The following SHPRH variants were observed in gnomAD, a reference collection of about 807,000 sequenced individuals.
The protein encoded by SHPRH is SNF2 histone linker PHD RING helicase, also known as E3 ubiquitin-protein ligase SHPRH.
Under a neutral mutation model 202.5 loss-of-function variants are expected in SHPRH, and 106 were observed. That is an observed-to-expected ratio of 0.52 (90% confidence interval 0.45 to 0.62). SHPRH has a LOEUF of 0.62. Ranked by LOEUF, SHPRH falls within the 20% of genes least tolerant of loss-of-function variation. SHPRH has a pLI of 0.00. For missense variants in SHPRH, 1,710 were observed against 2,020.0 expected (o/e 0.85, Z 2.94); for synonymous variants, 729 against 686.0 (o/e 1.06, Z -0.98).
Position 145,955,017 on chromosome 6 carries a change from C to T in SHPRH, c.306G>A (p.Val102=). ...FSPLSVKLNI[V]ISPYHFDNSW... is the part of the protein sequence containing the mutation. ...AATTATCAAAATGATAGGGAGAAAT[C>T]ACAATATTTAACTTTACAGACAAAG... The change falls in exon 2 of 30, where the codon GTG becomes GTA. Residue 102 remains valine, a synonymous_variant. Coordinates refer to ENST00000275233, the MANE Select transcript of SHPRH (RefSeq NM_001042683.3). 5.6e-6 allele frequency: 9 copies of T among 1,613,444 alleles called. No individual in the cohort carries two copies. The highest frequency in any genetic ancestry group is 7.6e-6 in the Non-Finnish European group (9 of 1,179,878).
chr6:145,859,237 A>G, the SHPRH span, among the ~76,000 whole-genome samples: 1 of 152,008 alleles, frequency 6.6e-6, no homozygotes, highest in Non-Finnish European at 1.5e-5. Context: ...ATGCAATCTC[A>G]CCCAATTAAC....
chr6:145,895,509 A>G (rs1393942498), intron 25 of SHPRH, among the ~76,000 whole-genome samples: 12 of 151,696 alleles, frequency 7.9e-5, no homozygotes. Flanking sequence ...AGGCAGATTC[A>G]TACAAAGCTA....
chr6:145,919,446 C>T lies in SHPRH; in HGVS notation c.4054G>A (p.Val1352Ile), dbSNP rs760092163. 3 of 1,613,126 alleles carry T rather than the reference C, an allele frequency of 1.9e-6. No homozygotes were observed. Among genetic ancestry groups the T allele is most frequent in the Admixed American group, 1.7e-5 (1 of 59,924 alleles). Reference sequence around the variant, plus strand: ...TCTGTAGCCATTGCAAGTTCATCAACAGCAGACACACGATTCCTCAGAGCC... The same window carrying T: ...TCTGTAGCCATTGCAAGTTCATCAATAGCAGACACACGATTCCTCAGAGCC... Reference protein sequence around the residue: ...WMALRNRVSAVDELAMATERL... With the variant: ...WMALRNRVSAIDELAMATERL... Residue 1352 changes from valine to isoleucine, a missense_variant, in exon 22 of 30, where the codon GTT (valine) becomes ATT (isoleucine). Coordinates refer to ENST00000275233, the MANE Select transcript of SHPRH (RefSeq NM_001042683.3).
rs372687467 is a variant in SHPRH at position 145,940,701 on chromosome 6, A to G, written c.2569+22T>C. 2.2e-5 allele frequency: 35 copies of G among 1,610,112 alleles called. No homozygotes were observed. The African/African-American group carries it at 3.5e-4, about 16-fold the overall frequency. On this transcript the variant is annotated intron_variant, in intron 11 of 29. Coordinates refer to ENST00000275233, the MANE Select transcript of SHPRH (RefSeq NM_001042683.3). ...ATGAAGCTTTTCAAATGCATGCAATATGTGAGGAAACCATACATTACCCTC... is the reference window on the plus strand; with the variant it reads ...ATGAAGCTTTTCAAATGCATGCAATGTGTGAGGAAACCATACATTACCCTC...
Position 145,946,358 on chromosome 6 carries a change from T to G in SHPRH, c.1213-17A>C. 6.3e-7 allele frequency: 1 copy of G among 1,578,232 alleles called. No individual in the cohort carries two copies. The highest frequency in any genetic ancestry group is 8.7e-7 in the Non-Finnish European group (1 of 1,154,320). On this transcript the variant is annotated splice_polypyrimidine_tract_variant and intron_variant, in intron 6 of 29. Transcript: ENST00000275233. ...CACTTTTCCCTGATACAAACAACAG[T>G]CAGTAGTTACACAGTGTTTTGCTTT... is the stretch of plus-strand genomic sequence containing the variant.
At position 145,918,231 on chromosome 6, in the gene SHPRH, A is replaced by G; in HGVS notation, c.4154T>C (p.Val1385Ala). ...PVLHIIEPHE[V>A]EQNRIKLLND... ...TAGTAGTTTTATTCGGTTTTGTTCT[A>G]CCTAAAGAAAATAAAAATAAAAACT... Residue 1385 changes from valine to alanine, a missense_variant and splice_region_variant, in exon 23 of 30, where the codon GTA becomes GCA. Physicochemically the swap from Val to Ala is moderately conservative, Grantham distance 64 (BLOSUM62 0). Coordinates refer to ENST00000275233, the MANE Select transcript of SHPRH (RefSeq NM_001042683.3). 2 of 1,527,762 alleles carry G rather than the reference A, an allele frequency of 1.3e-6. No homozygotes were observed. Among genetic ancestry groups the G allele is most frequent in the Non-Finnish European group, 1.8e-6 (2 of 1,142,572 alleles). The allele number at this position is 1,527,762 out of a possible 1,614,324, so 94.6% of individuals were successfully genotyped here.
In SHPRH at chr6:145,885,222, G is replaced by A. The variant is rs888736123; in HGVS notation, c.*1469C>T. 2.6e-5 allele frequency: 4 copies of A among 152,108 alleles called. No individual in the cohort carries two copies. Among genetic ancestry groups the A allele is most frequent in the African/African-American group, 4.8e-5 (2 of 41,430 alleles). The allele number at this position is 152,108 out of a possible 1,614,324, so 9.4% of individuals were successfully genotyped here. On this transcript the variant is annotated 3_prime_UTR_variant, in exon 30 of 30. Transcript: ENST00000275233. The stretch of plus-strand genomic sequence containing the variant: ...CAAGATTGTTGGGTAAATTAAACAC[G>A]TAAATGTACATGAAAGCTCTTTTTA...
intron 1 of SHPRH, among the ~76,000 whole-genome samples, chr6:145,958,828 C>CATTT (rs575813834): frequency 0.013 from 1,902 of 151,904 alleles, 37 homozygotes; most frequent in African/African-American, 0.043. Context: ...CATCATAATG[C>CATTT]ATTTATTTAT....
chr6:145,896,604 A>T (rs1327403198), intron 25 of SHPRH, among the ~76,000 whole-genome samples: 1 of 152,010 alleles, frequency 6.6e-6, no homozygotes, highest in African/African-American at 2.4e-5. Flanking sequence ...TACAGTTCTG[A>T]ACCATTTTGT....
intron 13 of SHPRH, 133 bp from the exon 14 acceptor site, chr6:145,933,311 G>A (rs371056609): frequency 5.2e-5 from 69 of 1,315,912 alleles, no homozygotes; most frequent in South Asian, 3.5e-4. Context: ...ATTTTTTTTC[G>A]CCTCAATTTT....
At chr6:145,944,619 C>T (rs1261119239) in intron 8 of SHPRH, among the ~76,000 whole-genome samples, 1 of 151,622 alleles carries the variant, frequency 6.6e-6, no homozygotes, top group Non-Finnish European at 1.5e-5. Flanking sequence ...TCAGTGCTAC[C>T]CAAGGATAAT....
Position 145,955,265 on chromosome 6 carries a change from G to A in SHPRH, c.58C>T (p.Gln20Ter). The change falls in exon 2 of 30, where the codon CAG (glutamine) becomes TAG (stop). Residue 20 changes from glutamine (Q) to a stop codon, truncating the protein, a stop_gained. Transcript: ENST00000275233. LOFTEE classifies it high-confidence loss of function. ...PVRVDEEKRQ[Q>*]LHWNMHEDRR... is the part of the protein sequence containing the mutation. ...TCCTCATGCATATTCCAATGAAGCTGCTGCCTCTTTTCCTCATCTACCCTC... is the reference window on the plus strand; with the variant it reads ...TCCTCATGCATATTCCAATGAAGCTACTGCCTCTTTTCCTCATCTACCCTC... The A allele has an allele frequency of 6.2e-7, 1 of 1,611,750 alleles. No homozygotes were observed. Among genetic ancestry groups the A allele is most frequent in the Non-Finnish European group, 8.5e-7 (1 of 1,179,764 alleles).
At chr6:145,878,309 T>C (rs2253654) in intron 2 of SHPRH, among the ~76,000 whole-genome samples, 55,852 of 151,998 alleles carry the variant, frequency 0.37, 10,744 homozygotes, top group South Asian at 0.48. Flanking sequence ...CACATCATTA[T>C]CCAAAGTCCA....
In SHPRH at chr6:145,945,348, A is replaced by G. The variant is rs766240209; in HGVS notation, c.1578+33T>C. 8.2e-6 allele frequency: 13 copies of G among 1,582,800 alleles called. No individual in the cohort carries two copies. In the South Asian group the frequency reaches 1.5e-4, roughly 19 times the overall value. ...ACTCAGTAAGGTATCACATACGTGT[A>G]CTTAATATAGAGCTGAACTTAAGCT... On this transcript the variant is annotated intron_variant, in intron 8 of 29. Transcript: ENST00000275233.
intron 2 of SHPRH, among the ~76,000 whole-genome samples, chr6:145,868,944 ATGAG>A (rs1317233631): frequency 6.6e-6 from 1 of 152,188 alleles, no homozygotes; most frequent in African/African-American, 2.4e-5. Context: ...TTCATGAGAT[ATGAG>A]TATGTTTAGT....
At chr6:145,912,933 C>A (rs1259495441) in intron 24 of SHPRH, among the ~76,000 whole-genome samples, 1 of 151,942 alleles carries the variant, frequency 6.6e-6, no homozygotes, top group East Asian at 1.9e-4. Flanking sequence ...GAATATGGTT[C>A]TACCATGTTT....
intron 14 of SHPRH, among the ~76,000 whole-genome samples, chr6:145,928,787 GCTTT>G (rs1268289457): frequency 6.6e-6 from 1 of 151,830 alleles, no homozygotes; most frequent in Non-Finnish European, 1.5e-5. Flanking sequence ...CTAATACAAA[GCTTT>G]CTAAAACACA....
intron 14 of SHPRH, among the ~76,000 whole-genome samples, chr6:145,931,809 A>G (rs1785483325): frequency 6.6e-6 from 1 of 151,970 alleles, no homozygotes; most frequent in Non-Finnish European, 1.5e-5. Flanking sequence ...AATATTATAC[A>G]TCCACGTCTC....
chr6:145,914,063 C>T (rs1013599795), intron 23 of SHPRH, among the ~76,000 whole-genome samples: 1 of 152,080 alleles, frequency 6.6e-6, no homozygotes, highest in Non-Finnish European at 1.5e-5. Flanking sequence ...ATGTTGTCCA[C>T]TTTTCCTTTT....
Sources: allele counts gnomAD v4.1 joint callset (sites outside exome capture counted in the v4.1 genomes callset), GRCh38; gene constraint gnomAD v4.1.1; transcripts MANE v1.5; gene names NCBI Gene and HGNC (gene_info 2026-07-23, HGNC 2026-07-21).